SSBP2: variants seen among roughly 807,000 people sequenced by gnomAD.
SSBP2 encodes the protein single-stranded DNA-binding protein 2.
In SSBP2, 17 loss-of-function variants were observed where a neutral mutation model predicts 61.8. That is an observed-to-expected ratio of 0.28 (90% CI 0.19 to 0.41). SSBP2 has a LOEUF of 0.41. Ranked by LOEUF, SSBP2 falls within the 10% of genes least tolerant of loss-of-function variation. The probability of loss-of-function intolerance (pLI) is 1.00; values close to 1 mark genes in which losing one functional copy is unlikely to be tolerated. For missense variants in SSBP2, 310 were observed against 458.7 expected (o/e 0.68, Z 2.96); for synonymous variants, 139 against 141.3 (o/e 0.98, Z 0.12).
At chr5:81,473,028 T>C (rs1267895869) in intron 8 of SSBP2, among the ~76,000 whole-genome samples, 1 of 152,356 alleles carries the variant, frequency 6.6e-6, no homozygotes. Flanking sequence ...AAGGCTTAAA[T>C]GACAGCACAC....
At chr5:81,536,688 A>C (rs948161840) in intron 4 of SSBP2, among the ~76,000 whole-genome samples, 8 of 152,112 alleles carry the variant, frequency 5.3e-5, no homozygotes, top group African/African-American at 1.9e-4. Flanking sequence ...TATGCGCTTA[A>C]CTCTATCACA....
intron 4 of SSBP2, among the ~76,000 whole-genome samples, chr5:81,576,184 GCTT>G (rs1432689995): frequency 7.3e-5 from 11 of 150,880 alleles, no homozygotes; most frequent in African/African-American, 2.4e-4. Flanking sequence ...CCTCTATCAG[GCTT>G]CTTTTTTTTT....
At chr5:81,527,836 T>A (rs1000918879) in intron 4 of SSBP2, among the ~76,000 whole-genome samples, 2 of 150,514 alleles carry the variant, frequency 1.3e-5, no homozygotes, top group Non-Finnish European at 3.0e-5. Context: ...CAAACCACCA[T>A]GGCACATGTA....
intron 15 of SSBP2, among the ~76,000 whole-genome samples, chr5:81,433,372 T>C (rs1463978620): frequency 6.6e-6 from 1 of 151,990 alleles, no homozygotes; most frequent in Non-Finnish European, 1.5e-5. Context: ...TTAAGGGCGG[T>C]GCAAGATGTG....
intron 1 of SSBP2, among the ~76,000 whole-genome samples, chr5:81,683,532 G>A (rs1307152346): frequency 6.6e-6 from 1 of 152,090 alleles, no homozygotes; most frequent in Non-Finnish European, 1.5e-5. Flanking sequence ...AAAACTCCTA[G>A]AAGATAACAT....
intron 5 of SSBP2, among the ~76,000 whole-genome samples, chr5:81,512,602 G>A (rs1244625427): frequency 6.6e-6 from 1 of 152,094 alleles, no homozygotes; most frequent in East Asian, 1.9e-4. Flanking sequence ...GAACAAATAA[G>A]CATGTCCTAA....
At chr5:81,610,795 A>G (rs1198326534) in intron 4 of SSBP2, among the ~76,000 whole-genome samples, 1 of 152,136 alleles carries the variant, frequency 6.6e-6, no homozygotes, top group South Asian at 2.1e-4. Flanking sequence ...GGAGTTTCAG[A>G]CCAGCCTGAT....
At chr5:81,651,081 G>A (rs1749687390) in intron 1 of SSBP2, among the ~76,000 whole-genome samples, 1 of 152,104 alleles carries the variant, frequency 6.6e-6, no homozygotes, top group East Asian at 1.9e-4. Flanking sequence ...GCTACACCAT[G>A]TGGCTCAATT....
intron 11 of SSBP2, chr5:81,448,052 C>G (rs909566003): frequency 3.9e-5 from 6 of 152,082 alleles, no homozygotes. Context: ...TAGCCACCAC[C>G]TCTGAACATT....
intron 4 of SSBP2, among the ~76,000 whole-genome samples, chr5:81,521,541 G>C (rs2154094333): frequency 6.6e-6 from 1 of 152,020 alleles, no homozygotes; most frequent in Admixed American, 6.6e-5. Flanking sequence ...AACTACTGTT[G>C]TCTAGTATTT....
intron 4 of SSBP2, among the ~76,000 whole-genome samples, chr5:81,593,639 T>C (rs541785666): frequency 4.4e-4 from 67 of 152,238 alleles, no homozygotes; most frequent in Admixed American, 1.5e-3. Flanking sequence ...TAATAGCGGA[T>C]CTCTCGGCAG....
chr5:81,548,691 G>A (rs1771938440), intron 4 of SSBP2, among the ~76,000 whole-genome samples: 1 of 152,170 alleles, frequency 6.6e-6, no homozygotes, highest in Non-Finnish European at 1.5e-5. Context: ...GGGAGGCCGA[G>A]GCAGGTGGAT....
chr5:81,448,783 T>C lies in SSBP2; in HGVS notation c.723+7A>G. 1.2e-6 allele frequency: 2 copies of C among 1,612,272 alleles called. No homozygotes were observed. Among genetic ancestry groups the C allele is most frequent in the South Asian group, 1.1e-5 (1 of 90,770 alleles). On this transcript the variant is annotated splice_region_variant and intron_variant, in intron 11 of 16. Coordinates refer to ENST00000320672, the MANE Select transcript of SSBP2 (RefSeq NM_012446.5). Reference sequence around the variant, plus strand: ...TCTTATAAGCAAACAAACCCAAATGTACTTACTACATAATTCCCAGGAGAT... The same window carrying C: ...TCTTATAAGCAAACAAACCCAAATGCACTTACTACATAATTCCCAGGAGAT...
At chr5:81,516,104 T>C (rs1229672442) in intron 4 of SSBP2, among the ~76,000 whole-genome samples, 1 of 151,944 alleles carries the variant, frequency 6.6e-6, no homozygotes, top group Non-Finnish European at 1.5e-5. Flanking sequence ...GGATGGGGAA[T>C]AGAGAATTCC....
chr5:81,587,266 G>A (rs1011313534), intron 4 of SSBP2, among the ~76,000 whole-genome samples: 1 of 151,964 alleles, frequency 6.6e-6, no homozygotes, highest in Non-Finnish European at 1.5e-5. Flanking sequence ...TTCATCCTTC[G>A]TACAAGTAAA....
rs529251535 is a variant in SSBP2 at position 81,678,331 on chromosome 5, A to G, written c.63-27992T>C. Among the ~76,000 whole-genome samples the G allele has an allele frequency of 2.6e-5, 4 of 151,252 alleles. No individual in the cohort carries two copies. In the South Asian group the frequency reaches 6.3e-4, roughly 24 times the overall value. On this transcript the variant is annotated intron_variant, in intron 1 of 16. Coordinates refer to ENST00000320672, the MANE Select transcript of SSBP2 (RefSeq NM_012446.5). ...GCTGAAGGAAGAATCTCTAAACTTG[A>G]GGATATCTCAACAAGAACAGTCCCA...
At chr5:81,510,248 T>C (rs1368897735) in intron 5 of SSBP2, among the ~76,000 whole-genome samples, 1 of 152,152 alleles carries the variant, frequency 6.6e-6, no homozygotes, top group African/African-American at 2.4e-5. Flanking sequence ...GGAGGACTCA[T>C]GGGAACCTCA....
At chr5:81,483,642 G>A (rs557507213) in intron 6 of SSBP2, among the ~76,000 whole-genome samples, 1 of 152,156 alleles carries the variant, frequency 6.6e-6, no homozygotes, top group South Asian at 2.1e-4. Context: ...ACGCATTTAG[G>A]TGCTTTCAAC....
intron 1 of SSBP2, among the ~76,000 whole-genome samples, chr5:81,671,958 A>G (rs924649643): frequency 1.3e-5 from 2 of 152,166 alleles, no homozygotes; most frequent in African/African-American, 4.8e-5. Flanking sequence ...ACTATATGTG[A>G]CAGTGGTTGC....
Sources: allele counts gnomAD v4.1 joint callset (sites outside exome capture counted in the v4.1 genomes callset), GRCh38; gene constraint gnomAD v4.1.1; transcripts MANE v1.5; gene names NCBI Gene and HGNC (gene_info 2026-07-23, HGNC 2026-07-21).